Variants in FOXP3 observed in about 807,000 individuals in gnomAD.
FOXP3 encodes forkhead box P3, also known as forkhead box protein P3.
Under a neutral mutation model 31.2 loss-of-function variants are expected in FOXP3, and 5 were observed. The observed-to-expected ratio is 0.16, with a 90% CI of 0.08 to 0.34. FOXP3 has a LOEUF of 0.34. Ranked by LOEUF, FOXP3 falls within the 10% of genes least tolerant of loss-of-function variation. The probability of loss-of-function intolerance (pLI) is 1.00; values close to 1 mark genes in which losing one functional copy is unlikely to be tolerated. For missense variants in FOXP3, 251 were observed against 363.0 expected, an observed-to-expected ratio of 0.69 and a Z score of 2.51; for synonymous variants, 141 against 148.8, an observed-to-expected ratio of 0.95 and a Z score of 0.38.
intron 2 of FOXP3, 139 bp downstream of exon 2, chrX:49,258,157 T>A: frequency 2.0e-6 from 1 of 505,029 alleles, no homozygotes; most frequent in Non-Finnish European, 3.3e-6. Flanking sequence ...TCTGCATAAG[T>A]CACAGACTTG....
chrX:49,261,926 G>A (rs1157099155), intron 1 of FOXP3, among the ~76,000 whole-genome samples: 1 of 112,299 alleles, frequency 8.9e-6, no homozygotes, highest in Non-Finnish European at 1.9e-5. Flanking sequence ...ACGGAGAGGC[G>A]TGGAGTAGAC....
chrX:49,255,238 C>T (rs1569529700), intron 8 of FOXP3, among the ~76,000 whole-genome samples, 191 bp downstream of exon 8: 1 of 112,606 alleles, frequency 8.9e-6, no homozygotes, highest in Non-Finnish European at 1.9e-5. Context: ...TGAGCCACCA[C>T]GCCCAGCCGG....
At chrX:49,252,688 T>C (rs1557115740) in intron 10 of FOXP3, among the ~76,000 whole-genome samples, 1 of 108,980 alleles carries the variant, frequency 9.2e-6, no homozygotes, top group East Asian at 2.9e-4. Flanking sequence ...TGGGGGTGTA[T>C]TGACATACTG....
At chrX:49,251,555 C>T (rs782217679) in intron 11 of FOXP3, 72 bp from the exon 12 acceptor site, 6 of 1,208,824 alleles carry the variant, frequency 5.0e-6, no homozygotes, top group South Asian at 1.8e-5. Context: ...CAACAACCCA[C>T]ATCCCGTTCC....
chrX:49,254,945 G>GTT (rs1201744900), intron 8 of FOXP3, among the ~76,000 whole-genome samples: 23 of 95,973 alleles, frequency 2.4e-4, no homozygotes, highest in Admixed American at 2.3e-4. Context: ...GAGTCAGAGG[G>GTT]TTTTTTTTTT....
At position 49,257,784 on chromosome X, in the gene FOXP3, GGT is replaced by G. The variant is rs1174020164; in HGVS notation, c.211-18_211-17del. 8.8e-7 allele frequency: 1 copy of G among 1,141,042 alleles called. No individual in the cohort carries two copies. The highest frequency in any genetic ancestry group is 1.2e-6 in the Non-Finnish European group (1 of 849,380). 94.0% of individuals were successfully genotyped at this position (1,141,042 alleles called of 1,213,427 possible). On this transcript the variant is annotated splice_polypyrimidine_tract_variant and intron_variant, in intron 2 of 11. Coordinates refer to ENST00000376207, the MANE Select transcript of FOXP3 (RefSeq NM_014009.4). ...GTGTGGGCAGCTGGGCAGAAAGGCA[GGT>G]GGGTGAGAGGCCATCCTGATCCTCA...
chrX:49,256,890 G>A (rs1157216741), intron 5 of FOXP3, 35 bp from the exon 6 acceptor site: 8 of 1,203,391 alleles, frequency 6.6e-6, no homozygotes, highest in Non-Finnish European at 6.8e-6. Flanking sequence ...GAGGGGATAG[G>A]AGGGCGAGGA....
rs782012008 is a variant in FOXP3 at position 49,251,774 on chromosome X, T to TG, written c.1045-10dup. On this transcript the variant is annotated splice_polypyrimidine_tract_variant and intron_variant, in intron 10 of 11. Transcript: ENST00000376207. ...GGAGCCTCCAGGATGGCCTGGAAGT[T>TG]GGGGGGTGGGGTAAGGGGCACATTC... 1.7e-6 allele frequency: 2 copies of TG among 1,198,624 alleles called. No homozygotes were observed. Among genetic ancestry groups the TG allele is most frequent in the African/African-American group, 1.7e-5 (1 of 57,605 alleles).
intron 1 of FOXP3, among the ~76,000 whole-genome samples, chrX:49,261,867 G>A (rs149384185): frequency 1.5e-4 from 17 of 111,950 alleles, no homozygotes; most frequent in South Asian, 3.8e-4. Flanking sequence ...GCTGCATTTC[G>A]GTGAGGCCCT....
Position 49,251,442 on chromosome X carries a change from C to G in FOXP3, c.1188G>C (p.Val396=). ...RHNLSLHKCF[V]RVESEKGAVW... is the part of the protein sequence containing the mutation. Reference sequence around the variant, plus strand: ...CAGCCCCCTTCTCGCTCTCCACCCGCACAAAGCACTTGTGCAGACTCAGGT... The same window carrying G: ...CAGCCCCCTTCTCGCTCTCCACCCGGACAAAGCACTTGTGCAGACTCAGGT... The change falls in exon 12 of 12, where the codon GTG becomes GTC. Residue 396 remains valine (V), a synonymous_variant. Coordinates refer to ENST00000376207, the MANE Select transcript of FOXP3 (RefSeq NM_014009.4). 5.8e-6 allele frequency: 7 copies of G among 1,212,230 alleles called. No individual in the cohort carries two copies. The highest frequency in any genetic ancestry group is 7.8e-6 in the Non-Finnish European group (7 of 895,629).
Position 49,257,673 on chromosome X carries a change from G to A in FOXP3, c.306C>T (p.Phe102=). 2 of 1,182,162 alleles carry A rather than the reference G, an allele frequency of 1.7e-6. No homozygotes were observed. The highest frequency in any genetic ancestry group is 1.9e-5 in the South Asian group (1 of 53,670). Residue 102 remains phenylalanine, a synonymous_variant, in exon 3 of 12, where the codon TTC becomes TTT. Coordinates refer to ENST00000376207, the MANE Select transcript of FOXP3 (RefSeq NM_014009.4). The part of the protein sequence containing the change: ...LQALLQDRPH[F]MHQLSTVDAH... ...CATTCACCGTCCATACCTGGTGCAT[G>A]AAATGTGGCCTGTCCTGGAGGAGTG...
At chrX:49,261,202 G>A (rs2066107837) in intron 1 of FOXP3, among the ~76,000 whole-genome samples, 1 of 112,568 alleles carries the variant, frequency 8.9e-6, no homozygotes, top group Non-Finnish European at 1.9e-5. Context: ...GTCTCAGTAT[G>A]TGTAGGCCAG....
intron 8 of FOXP3, 141 bp downstream of exon 8, chrX:49,255,288 G>A (rs1557116114): frequency 1.5e-5 from 8 of 545,533 alleles, no homozygotes; most frequent in Non-Finnish European, 2.2e-5. Context: ...AGATTTCCAG[G>A]TCTGGGCATG....
At chrX:49,261,706 G>A (rs1032449851) in intron 1 of FOXP3, among the ~76,000 whole-genome samples, 4 of 112,216 alleles carry the variant, frequency 3.6e-5, no homozygotes, top group Admixed American at 2.8e-4. Context: ...GGGGTCCAAC[G>A]TGTGAGAAGG....
At chrX:49,256,220 A>AAGAGAAAGAGAGAG (rs2066069920) in intron 6 of FOXP3, among the ~76,000 whole-genome samples, 2 of 67,014 alleles carry the variant, frequency 3.0e-5, no homozygotes, top group East Asian at 5.2e-4. Flanking sequence ...GAGAGAGAGA[A>AAGAGAAAGAGAGAG]AGAGAGAGAG....
chrX:49,262,614 T>C (rs2066116678), intron 1 of FOXP3, among the ~76,000 whole-genome samples: 3 of 112,532 alleles, frequency 2.7e-5, no homozygotes, highest in African/African-American at 9.7e-5. Context: ...CTTGGGTTTA[T>C]TGTGTGTCAG....
intron 1 of FOXP3, among the ~76,000 whole-genome samples, chrX:49,259,585 C>T (rs1035219867): frequency 9.0e-6 from 1 of 110,928 alleles, no homozygotes; most frequent in Non-Finnish European, 1.9e-5. Context: ...GCAAGACCTG[C>T]TCTTCTATTG....
chrX:49,260,421 C>T (rs371400695), intron 1 of FOXP3, among the ~76,000 whole-genome samples: 13 of 112,411 alleles, frequency 1.2e-4, no homozygotes, highest in African/African-American at 3.6e-4. Flanking sequence ...ATACCGATTT[C>T]GGTGCAAATG....
chrX:49,250,662 G>A lies in FOXP3; in HGVS notation c.*672C>T, dbSNP rs2066023548. On this transcript the variant is annotated 3_prime_UTR_variant, in exon 12 of 12. Transcript: ENST00000376207. ...CAAGAGACCCACTGGGGGGCTGTGCGTGTGCATATGCGTGAGATACACAGG... is the reference window on the plus strand; with the variant it reads ...CAAGAGACCCACTGGGGGGCTGTGCATGTGCATATGCGTGAGATACACAGG... 2.8e-5 allele frequency: 8 copies of A among 281,590 alleles called. No individual in the cohort carries two copies. Among genetic ancestry groups the A allele is most frequent in the South Asian group, 2.4e-4 (7 of 28,853 alleles). The allele number at this position is 281,590 out of a possible 1,213,427, so 23.2% of individuals were successfully genotyped here.
Sources: allele counts gnomAD v4.1 joint callset (sites outside exome capture counted in the v4.1 genomes callset), GRCh38; gene constraint gnomAD v4.1.1; transcripts MANE v1.5; gene names NCBI Gene and HGNC (gene_info 2026-07-23, HGNC 2026-07-21).